Variants in AKAP4 observed in about 807,000 individuals in gnomAD.
The protein encoded by AKAP4 is A-kinase anchoring protein 4.
A neutral mutation model predicts 42.6 loss-of-function variants in AKAP4; 4 were observed. The ratio of observed to expected loss-of-function variants is 0.09; its 90% CI spans 0.05 to 0.22. The LOEUF (loss-of-function observed/expected upper bound fraction) is 0.22, where lower values mean the gene tolerates loss of function less well. Among genes scored for constraint, AKAP4 ranks in the 10% least tolerant of loss-of-function variants. AKAP4 has a pLI of 1.00. For synonymous variants in AKAP4, 223 were observed against 233.0 expected, an observed-to-expected ratio of 0.96 and a Z score of 0.39; for missense variants, 551 against 630.7, an observed-to-expected ratio of 0.87 and a Z score of 1.35.
intron 2 of AKAP4, among the ~76,000 whole-genome samples, chrX:50,198,373 T>A (rs1456357768): frequency 3.6e-5 from 4 of 109,623 alleles, no homozygotes; most frequent in Non-Finnish European, 7.6e-5. Context: ...ACTTAAGAGG[T>A]CTTAACTAAT....
rs1219712184 is a variant in AKAP4 at position 50,200,749 on chromosome X, C to T, written c.27+114G>A. ...GTTGATCAAAATCTTTTCTGGGTAT[C>T]CCAAATAAAAGTATGAAAATAGAAA... On this transcript the variant is annotated intron_variant, in intron 1 of 5. Coordinates refer to ENST00000358526, the MANE Select transcript of AKAP4 (RefSeq NM_003886.3). 8 of 699,195 alleles carry T rather than the reference C, an allele frequency of 1.1e-5. No individual in the cohort carries two copies. The African/African-American group carries it at 1.7e-4, about 15-fold the overall frequency. The allele number at this position is 699,195 out of a possible 1,213,427, so 57.6% of individuals were successfully genotyped here.
rs113067239 is a variant in AKAP4, at chrX:50,190,927, G to C, written c.*33C>G. ...TCTGGCTGGGATGGAATGCTGCTAGGGGGGCTAAGATGAAGAGGAGTCAAG... is the reference window on the plus strand; with the variant it reads ...TCTGGCTGGGATGGAATGCTGCTAGCGGGGCTAAGATGAAGAGGAGTCAAG... On this transcript the variant is annotated 3_prime_UTR_variant, in exon 6 of 6. Coordinates refer to ENST00000358526, the MANE Select transcript of AKAP4 (RefSeq NM_003886.3). 4.7e-5 allele frequency: 57 copies of C among 1,204,900 alleles called. No individual in the cohort carries two copies. The highest frequency in any genetic ancestry group is 3.4e-4 in the South Asian group (19 of 55,827).
In AKAP4 at chrX:50,192,878, C is replaced by T. The variant is rs1444977605; in HGVS notation, c.1835G>A (p.Cys612Tyr). The T allele has an allele frequency of 9.1e-6, 11 of 1,210,255 alleles. No individual in the cohort carries two copies. Among genetic ancestry groups the T allele is most frequent in the Non-Finnish European group, 1.2e-5 (11 of 895,284 alleles). The change falls in exon 5 of 6, where the codon TGT (cysteine) becomes TAT (tyrosine). Residue 612 changes from cysteine to tyrosine, a missense_variant. Coordinates refer to ENST00000358526, the MANE Select transcript of AKAP4 (RefSeq NM_003886.3). ...ESHRAPGPST[C>Y]QKENQHLDSQ... ...GTCCAGGTGTTGGTTCTCCTTTTGA[C>T]AGGTGGATGGTCCAGGGGCTCTGTG...
chrX:50,191,659 T>TGTGAGAGAGA (rs1363221828), intron 5 of AKAP4, among the ~76,000 whole-genome samples: 2 of 43,603 alleles, frequency 4.6e-5, no homozygotes, highest in Admixed American at 6.4e-4. Context: ...TGTGTGTGTG[T>TGTGAGAGAGA]GAGAGAGAGA....
chrX:50,198,102 G>C (rs1382419917), intron 2 of AKAP4, among the ~76,000 whole-genome samples: 1 of 111,339 alleles, frequency 9.0e-6, no homozygotes, highest in Non-Finnish European at 1.9e-5. Flanking sequence ...TTGTGCATTA[G>C]GGAGAATACA....
rs1557203768 is a variant in AKAP4, at chrX:50,192,535, T to C, written c.2178A>G (p.Glu726=). The part of the protein sequence containing the change: ...NDGAALAELE[E]QAASANKPNF... ...TGGGCTTATTTGCCGAGGCTGCTTG[T>C]TCTTCCAACTCAGCAAGGGCTGCCC... The change falls in exon 5 of 6, where the codon GAA becomes GAG. Residue 726 remains glutamate, a synonymous_variant. Coordinates refer to ENST00000358526, the MANE Select transcript of AKAP4 (RefSeq NM_003886.3). The C allele has an allele frequency of 8.3e-7, 1 of 1,211,766 alleles. No individual in the cohort carries two copies. The highest frequency in any genetic ancestry group is 1.1e-6 in the Non-Finnish European group (1 of 895,492).
chrX:50,197,490 T>C (rs1035963236), intron 3 of AKAP4, 54 bp downstream of exon 3: 1 of 1,078,145 alleles, frequency 9.3e-7, no homozygotes, highest in Non-Finnish European at 1.3e-6. Flanking sequence ...ACTTCACTGA[T>C]AACCCTTCTC....
intron 1 of AKAP4, chrX:50,200,243 T>G: frequency 1.3e-6 from 1 of 753,717 alleles, no homozygotes; most frequent in Non-Finnish European, 1.6e-6. Context: ...GATGATGAAG[T>G]TCTTTTAGAT....
chrX:50,197,050 G>GT, intron 3 of AKAP4, 58 bp from the exon 4 acceptor site: 1 of 825,375 alleles, frequency 1.2e-6, no homozygotes, highest in Non-Finnish European at 1.8e-6. Context: ...TCTCCAAGCT[G>GT]CCCCCCTAGG....
At position 50,197,604 on chromosome X, in the gene AKAP4, A is replaced by T; in HGVS notation, c.124-10T>A. ...CATCGACAAAGCATATCTGCATCAA[A>T]TTAGAAGGGTGAATTTAGAAAAACT... On this transcript the variant is annotated splice_polypyrimidine_tract_variant and intron_variant, in intron 2 of 5. Transcript: ENST00000358526. 1 of 1,199,340 alleles carries T rather than the reference A, an allele frequency of 8.3e-7. No homozygotes were observed. Among genetic ancestry groups the T allele is most frequent in the South Asian group, 1.8e-5 (1 of 55,667 alleles).
chrX:50,192,842 A>G lies in AKAP4; in HGVS notation c.1871T>C (p.Met624Thr). The change falls in exon 5 of 6, where the codon ATG (methionine) becomes ACG (threonine). Residue 624 changes from methionine (M) to threonine (T), a missense_variant. Met to Thr is a moderately conservative substitution (Grantham distance 81, BLOSUM62 -1). Coordinates refer to ENST00000358526, the MANE Select transcript of AKAP4 (RefSeq NM_003886.3). ...KENQHLDSQKMDMSNIVLMLI... is the reference protein window; with the variant it reads ...KENQHLDSQKTDMSNIVLMLI... Reference sequence around the variant, plus strand: ...CATTAGAACGATGTTTGACATATCCATTTTCTGGGAGTCCAGGTGTTGGTT... The same window carrying G: ...CATTAGAACGATGTTTGACATATCCGTTTTCTGGGAGTCCAGGTGTTGGTT... 9.1e-6 allele frequency: 11 copies of G among 1,211,327 alleles called. No individual in the cohort carries two copies. Among genetic ancestry groups the G allele is most frequent in the Non-Finnish European group, 1.2e-5 (11 of 895,433 alleles).
chrX:50,198,838 T>C lies in AKAP4; in HGVS notation c.28-86A>G. The stretch of plus-strand genomic sequence containing the variant: ...ATTTGGATAAGAATCTCTGGAGGGG[T>C]TCTGAAATCCATTTCTGTGTTTCAT... On this transcript the variant is annotated intron_variant, in intron 1 of 5. Transcript: ENST00000358526. 8 of 707,582 alleles carry C rather than the reference T, an allele frequency of 1.1e-5. 1 individual carries two copies. In the South Asian group the frequency reaches 2.1e-4, roughly 18 times the overall value. 58.3% of individuals were successfully genotyped at this position (707,582 alleles called of 1,213,427 possible). A position where few individuals can be genotyped will look rare whatever the true frequency, so the allele number is the denominator to read the frequency against.
At position 50,193,006 on chromosome X, in the gene AKAP4, G is replaced by A; in HGVS notation, c.1707C>T (p.Asp569=). 8.3e-7 allele frequency: 1 copy of A among 1,211,791 alleles called. No homozygotes were observed. The highest frequency in any genetic ancestry group is 3.0e-5 in the East Asian group (1 of 33,833). ...TATAGCCCATGGTGGAACCAGGACA[G>A]TCTTCTTCACATGTATCTTTGCCCT... The part of the protein sequence containing the change: ...QTKGKDTCEE[D]CPGSTMGYMA... Residue 569 remains aspartate (D), a synonymous_variant, in exon 5 of 6, where the codon GAC becomes GAT. Coordinates refer to ENST00000358526, the MANE Select transcript of AKAP4 (RefSeq NM_003886.3).
At chrX:50,192,178 G>A in intron 5 of AKAP4, 126 bp downstream of exon 5, 1 of 631,346 alleles carries the variant, frequency 1.6e-6, no homozygotes. Context: ...TGAGGTGAAA[G>A]TAATTCATGA....
Position 50,192,950 on chromosome X carries a change from C to T in AKAP4, c.1763G>A (p.Gly588Glu), listed in dbSNP as rs781839360. The change falls in exon 5 of 6, where the codon GGA (glycine) becomes GAA (glutamate). Residue 588 changes from glycine (G) to glutamate (E), a missense_variant. Transcript: ENST00000358526. The part of the protein sequence containing the change: ...MAQSTQYEKC[G>E]GGQSAKALSV... ...AAGTGCTTTGGCACTTTGGCCACCT[C>T]CACACTTTTCATATTGAGTACTCTG... is the stretch of plus-strand genomic sequence containing the variant. 2.1e-5 allele frequency: 26 copies of T among 1,209,978 alleles called. No individual in the cohort carries two copies. The East Asian group carries it at 7.1e-4, about 33-fold the overall frequency.
intron 5 of AKAP4, among the ~76,000 whole-genome samples, chrX:50,191,897 G>T (rs1472784656): frequency 1.8e-5 from 2 of 110,655 alleles, no homozygotes; most frequent in East Asian, 5.7e-4. Flanking sequence ...TTTCTGGTAG[G>T]TCAAACACAA....
intron 1 of AKAP4, among the ~76,000 whole-genome samples, chrX:50,199,532 T>A (rs913583711): frequency 9.1e-6 from 1 of 109,956 alleles, no homozygotes; most frequent in Non-Finnish European, 1.9e-5. Context: ...CCCAACCCAG[T>A]CTGGAACTAA....
In AKAP4 at chrX:50,192,523, C is replaced by G; in HGVS notation, c.2190G>C (p.Ser730=). The part of the protein sequence containing the change: ...ALAELEEQAA[S]ANKPNFRGTR... ...TGCCCCTGAAATTGGGCTTATTTGC[C>G]GAGGCTGCTTGTTCTTCCAACTCAG... Residue 730 remains serine, a synonymous_variant, in exon 5 of 6, where the codon TCG becomes TCC. Transcript: ENST00000358526. 8.3e-7 allele frequency: 1 copy of G among 1,211,344 alleles called. No homozygotes were observed. Among genetic ancestry groups the G allele is most frequent in the South Asian group, 1.8e-5 (1 of 56,853 alleles).
Position 50,193,945 on chromosome X carries a change from C to T in AKAP4, c.768G>A (p.Gly256=), listed in dbSNP as rs1935153905. 2 of 1,211,600 alleles carry T rather than the reference C, an allele frequency of 1.7e-6. No individual in the cohort carries two copies. The highest frequency in any genetic ancestry group is 1.8e-5 in the South Asian group (1 of 56,985). ...TTCGGGGACTGATTCTCTCTTTGTT[C>T]CCAGGGGATGGACAGATTGAATGAT... ...CLHHSICPSP[G]NKERISPRTP... The change falls in exon 5 of 6, where the codon GGG becomes GGA. Residue 256 remains glycine, a synonymous_variant. Coordinates refer to ENST00000358526, the MANE Select transcript of AKAP4 (RefSeq NM_003886.3).
Sources: allele counts gnomAD v4.1 joint callset (sites outside exome capture counted in the v4.1 genomes callset), GRCh38; gene constraint gnomAD v4.1.1; transcripts MANE v1.5; gene names NCBI Gene and HGNC (gene_info 2026-07-23, HGNC 2026-07-21).